Variants in TAFA5 observed in about 807,000 individuals in gnomAD.
The protein encoded by TAFA5 is TAFA chemokine like family member 5.
Under a neutral mutation model 15.3 loss-of-function variants are expected in TAFA5, and 6 were observed. That is an observed-to-expected ratio of 0.39 (90% CI 0.21 to 0.77). The LOEUF (loss-of-function observed/expected upper bound fraction) is 0.77. TAFA5 is among the 30% of genes least tolerant of loss of function. The pLI, the probability that TAFA5 is intolerant of heterozygous loss-of-function variation, is 0.41. For missense variants in TAFA5, 161 were observed against 193.1 expected (o/e 0.83, Z 0.98); for synonymous variants, 103 against 80.7 (o/e 1.28, Z -1.48).
intron 2 of TAFA5, among the ~76,000 whole-genome samples, chr22:48,659,587 G>A (rs570021160): frequency 1.3e-5 from 2 of 152,338 alleles, no homozygotes; most frequent in Admixed American, 6.5e-5. Flanking sequence ...TGGGGGTGGG[G>A]CATTCTTTGC....
chr22:48,547,985 C>T (rs1191316759), intron 1 of TAFA5, among the ~76,000 whole-genome samples: 1 of 152,228 alleles, frequency 6.6e-6, no homozygotes, highest in Admixed American at 6.5e-5. Context: ...CCTCCAGCCC[C>T]AGTCCTGCCC....
rs142901163 is a variant in TAFA5 at position 48,725,527 on chromosome 22, C to T, written c.390+17683C>T. On this transcript the variant is annotated intron_variant, in intron 3 of 3. Transcript: ENST00000402357. Reference sequence around the variant, plus strand: ...TGGCCGTGACCCAGGAGCCAGGAACCCAAGGTGAGGCAGGACCTGGAACGA... The same window carrying T: ...TGGCCGTGACCCAGGAGCCAGGAACTCAAGGTGAGGCAGGACCTGGAACGA... 1.6e-3 allele frequency among the ~76,000 whole-genome samples: 241 copies of T among 152,020 alleles called. 1 individual carries two copies. The highest frequency in any genetic ancestry group is 5.5e-3 in the African/African-American group (228 of 41,480).
intron 1 of TAFA5, among the ~76,000 whole-genome samples, chr22:48,570,173 C>T (rs183085040): frequency 2.0e-5 from 3 of 152,334 alleles, no homozygotes; most frequent in Non-Finnish European, 4.4e-5. Context: ...TGACCTCCTC[C>T]CTGCCTCGTG....
chr22:48,725,976 T>A (rs898581018), intron 3 of TAFA5, among the ~76,000 whole-genome samples: 7 of 152,174 alleles, frequency 4.6e-5, no homozygotes, highest in Non-Finnish European at 1.0e-4. Flanking sequence ...TTTATGGTGA[T>A]ATCTTTGAAT....
rs1262813089 is a variant in TAFA5 at position 48,638,942 on chromosome 22, C to A, written c.113-7655C>A. Among the ~76,000 whole-genome samples the A allele has an allele frequency of 3.5e-5, 5 of 144,150 alleles. No homozygotes were observed. The South Asian group carries it at 1.1e-3, about 33-fold the overall frequency. 94.6% of individuals were successfully genotyped at this position (144,150 alleles called of 152,430 possible). A position where few individuals can be genotyped will look rare whatever the true frequency, so the allele number is the denominator to read the frequency against. ...CCCTGGGTCACCGCACACGGGGGGACCCCGACACTAAGCCCTGGGACACCA... is the reference window on the plus strand; with the variant it reads ...CCCTGGGTCACCGCACACGGGGGGAACCCGACACTAAGCCCTGGGACACCA... On this transcript the variant is annotated intron_variant, in intron 1 of 3. Coordinates refer to ENST00000402357, the MANE Select transcript of TAFA5 (RefSeq NM_001082967.3).
At chr22:48,584,383 G>A (rs540462459) in intron 1 of TAFA5, among the ~76,000 whole-genome samples, 6 of 130,204 alleles carry the variant, frequency 4.6e-5, no homozygotes, top group South Asian at 5.3e-4. Flanking sequence ...CACACCACAC[G>A]CACAGTACAC....
intron 1 of TAFA5, among the ~76,000 whole-genome samples, chr22:48,587,301 G>A (rs1924397689): frequency 6.6e-6 from 1 of 152,178 alleles, no homozygotes; most frequent in African/African-American, 2.4e-5. Context: ...CCTCGGGGTG[G>A]GCAGAGGGTC....
intron 3 of TAFA5, among the ~76,000 whole-genome samples, chr22:48,716,590 A>G (rs933031486): frequency 6.6e-6 from 1 of 152,182 alleles, no homozygotes; most frequent in East Asian, 1.9e-4. Context: ...AACCTAGATG[A>G]CAGGTTGATA....
At chr22:48,535,190 G>A (rs1201339235) in intron 1 of TAFA5, among the ~76,000 whole-genome samples, 1 of 152,096 alleles carries the variant, frequency 6.6e-6, no homozygotes, top group Non-Finnish European at 1.5e-5. Context: ...CTTTATACAG[G>A]TTTTTATGCA....
At chr22:48,715,975 G>A (rs1329219906) in intron 3 of TAFA5, among the ~76,000 whole-genome samples, 1 of 152,226 alleles carries the variant, frequency 6.6e-6, no homozygotes, top group African/African-American at 2.4e-5. Flanking sequence ...TGGCTAGCCA[G>A]TTTTCCCAGC....
chr22:48,681,300 A>C (rs1386907709), intron 2 of TAFA5, among the ~76,000 whole-genome samples: 1 of 152,130 alleles, frequency 6.6e-6, no homozygotes, highest in Non-Finnish European at 1.5e-5. Flanking sequence ...CCGTGAGGAC[A>C]CGCACAGCTC....
chr22:48,728,522 A>G (rs1488962738), intron 3 of TAFA5, among the ~76,000 whole-genome samples: 1 of 152,232 alleles, frequency 6.6e-6, no homozygotes, highest in Non-Finnish European at 1.5e-5. Flanking sequence ...ATGAATTCGT[A>G]TATTAAAGTG....
intron 2 of TAFA5, 43 bp from the exon 3 acceptor site, chr22:48,707,674 C>T: frequency 6.2e-7 from 1 of 1,606,472 alleles, no homozygotes; most frequent in Non-Finnish European, 8.5e-7. Flanking sequence ...CCTCACGATC[C>T]ATGAGAGTAG....
At chr22:48,684,176 T>C (rs1928282811) in intron 2 of TAFA5, among the ~76,000 whole-genome samples, 1 of 151,950 alleles carries the variant, frequency 6.6e-6, no homozygotes, top group Non-Finnish European at 1.5e-5. Context: ...GGAGTGAGCG[T>C]TCGGAAGCAG....
chr22:48,717,968 C>T (rs1430646113), intron 3 of TAFA5, among the ~76,000 whole-genome samples: 2 of 152,194 alleles, frequency 1.3e-5, no homozygotes, highest in African/African-American at 2.4e-5. Flanking sequence ...GTCTGTCCTG[C>T]GTGTGGTGGG....
At chr22:48,706,726 G>A (rs1294042942) in intron 2 of TAFA5, among the ~76,000 whole-genome samples, 36 of 152,220 alleles carry the variant, frequency 2.4e-4, no homozygotes, top group Non-Finnish European at 5.9e-5. Flanking sequence ...ACCCCTGTTT[G>A]TAGGTCCAAT....
At chr22:48,699,778 C>T (rs183568707) in intron 2 of TAFA5, among the ~76,000 whole-genome samples, 36 of 152,268 alleles carry the variant, frequency 2.4e-4, no homozygotes, top group African/African-American at 7.2e-4. Context: ...GCAGCGACTG[C>T]GAACAGAAGA....
At chr22:48,574,827 G>A (rs1049179104) in intron 1 of TAFA5, among the ~76,000 whole-genome samples, 10 of 152,230 alleles carry the variant, frequency 6.6e-5, no homozygotes, top group Non-Finnish European at 1.2e-4. Context: ...CTGCTCTGGG[G>A]AGCGGGGTTG....
intron 1 of TAFA5, among the ~76,000 whole-genome samples, chr22:48,548,795 A>G (rs1287850967): frequency 6.6e-6 from 1 of 152,238 alleles, no homozygotes; most frequent in Non-Finnish European, 1.5e-5. Flanking sequence ...TCGCCTAACA[A>G]CCGAAGTCTC....
Sources: gnomAD v4.1 joint callset for allele counts (sites outside exome capture counted in the v4.1 genomes callset) on GRCh38, gnomAD v4.1.1 for gene constraint, MANE v1.5 for transcripts, NCBI Gene and HGNC (gene_info 2026-07-23, HGNC 2026-07-21) for gene names.